Variants in ASB4 observed in about 807,000 individuals in gnomAD.
ASB4 encodes the protein ankyrin repeat and SOCS box protein 4.
A neutral mutation model predicts 38.6 loss-of-function variants in ASB4; 35 were observed. The observed-to-expected ratio is 0.91, with a 90% CI of 0.69 to 1.20. The LOEUF is 1.20. Ranked by LOEUF, ASB4 falls within the 50% of genes most tolerant of loss-of-function variation. ASB4 has a pLI of 0.00. For synonymous variants in ASB4, 195 were observed against 201.3 expected (o/e 0.97, Z 0.26); for missense variants, 557 against 527.2 (o/e 1.06, Z -0.55).
At chr7:95,492,297 G>A (rs1409249818) in intron 1 of ASB4, among the ~76,000 whole-genome samples, 1 of 152,166 alleles carries the variant, frequency 6.6e-6, no homozygotes, top group Non-Finnish European at 1.5e-5. Context: ...CTGGAAGTTA[G>A]GAGGAGGAAA....
At chr7:95,549,300 C>CTTTTTTTTTTTTT in the ASB4 span, among the ~76,000 whole-genome samples, 14 of 83,072 alleles carry the variant, frequency 1.7e-4, no homozygotes, top group East Asian at 7.7e-4. Context: ...TAGGAGACTC[C>CTTTTTTTTTTTTT]ATTTTTTTTT....
intron 3 of ASB4, among the ~76,000 whole-genome samples, chr7:95,533,398 G>A (rs987553524): frequency 2.6e-5 from 4 of 152,134 alleles, no homozygotes; most frequent in African/African-American, 9.7e-5. Flanking sequence ...GACACCAAGG[G>A]TCTTAAAGAT....
At chr7:95,523,043 A>C (rs1292984343) in intron 2 of ASB4, among the ~76,000 whole-genome samples, 1 of 152,238 alleles carries the variant, frequency 6.6e-6, no homozygotes. Context: ...AACTTTTTAG[A>C]GAAACAGACT....
In ASB4 at chr7:95,515,219, T is replaced by TTCTTTCTTTC. The variant is rs1554349230; in HGVS notation, c.488-12592_488-12583dup. 1.1e-3 allele frequency among the ~76,000 whole-genome samples: 148 copies of TTCTTTCTTTC among 130,934 alleles called. 1 individual carries two copies. Among genetic ancestry groups the TTCTTTCTTTC allele is most frequent in the African/African-American group, 4.5e-3 (139 of 30,982 alleles). The allele number at this position is 130,934 out of a possible 152,430, so 85.9% of individuals were successfully genotyped here. On this transcript the variant is annotated intron_variant, in intron 2 of 4. Coordinates refer to ENST00000325885, the MANE Select transcript of ASB4 (RefSeq NM_016116.3). Reference sequence around the variant, plus strand: ...TTTCTTTCTTTCTTTCTTTCTTTCTTTCTTTCTTTCTTTTTCTTTCTTTCT... The same window carrying TTCTTTCTTTC: ...TTTCTTTCTTTCTTTCTTTCTTTCTTTCTTTCTTTCTCTTTCTTTCTTTTTCTTTCTTTCT...
chr7:95,516,935 G>C (rs1048203739), intron 2 of ASB4, among the ~76,000 whole-genome samples: 5 of 152,116 alleles, frequency 3.3e-5, no homozygotes, highest in Non-Finnish European at 7.3e-5. Context: ...GGTATCTCTA[G>C]CTTGAGCCTC....
Position 95,495,910 on chromosome 7 carries a change from G to A in ASB4, c.340G>A (p.Ala114Thr). The A allele has an allele frequency of 6.2e-7, 1 of 1,614,072 alleles. No homozygotes were observed. Among genetic ancestry groups the A allele is most frequent in the Non-Finnish European group, 8.5e-7 (1 of 1,180,016 alleles). The change falls in exon 2 of 5, where the codon GCT (alanine) becomes ACT (threonine). Residue 114 changes from alanine to threonine, a missense_variant. Physicochemically the swap from Ala to Thr is moderately conservative, Grantham distance 58 (BLOSUM62 0). Transcript: ENST00000325885. Reference protein sequence around the residue: ...RPNGKTPLHVACEMANVDCVK... With the variant: ...RPNGKTPLHVTCEMANVDCVK... The stretch of plus-strand genomic sequence containing the variant: ...CAATGGGAAAACCCCTCTTCACGTG[G>A]CTTGTGAAATGGCCAATGTGGATTG...
chr7:95,545,856 C>T, the ASB4 span, among the ~76,000 whole-genome samples: 1 of 152,196 alleles, frequency 6.6e-6, no homozygotes, highest in Non-Finnish European at 1.5e-5. Context: ...CCAGGCAATG[C>T]CAGAGAAGCC....
chr7:95,521,204 A>C (rs1432136088), intron 2 of ASB4, among the ~76,000 whole-genome samples: 2 of 152,156 alleles, frequency 1.3e-5, no homozygotes, highest in African/African-American at 4.8e-5. Context: ...TTTTCAATAC[A>C]TAAAGAAATG....
chr7:95,515,283 T>TTC (rs1202377660), intron 2 of ASB4, among the ~76,000 whole-genome samples: 11 of 113,522 alleles, frequency 9.7e-5, no homozygotes, highest in African/African-American at 3.7e-4. Flanking sequence ...CTTTCTTTCT[T>TTC]TCTTTCTTTC....
chr7:95,530,964 G>C (rs1409606268), intron 3 of ASB4, among the ~76,000 whole-genome samples: 1 of 152,138 alleles, frequency 6.6e-6, no homozygotes, highest in Non-Finnish European at 1.5e-5. Flanking sequence ...TTACTTAAGA[G>C]TGTGATTAAA....
chr7:95,548,178 T>C, the ASB4 span, among the ~76,000 whole-genome samples: 1 of 152,256 alleles, frequency 6.6e-6, no homozygotes, highest in Admixed American at 6.5e-5. Flanking sequence ...TTTGCATTTC[T>C]ACCAGCAATA....
At chr7:95,524,224 C>T (rs566165431) in intron 2 of ASB4, among the ~76,000 whole-genome samples, 14 of 152,184 alleles carry the variant, frequency 9.2e-5, no homozygotes, top group Non-Finnish European at 2.1e-4. Context: ...TAGCCTGACA[C>T]GGGCAATGCC....
In ASB4 at chr7:95,520,522, T is replaced by C. The variant is rs1332969299; in HGVS notation, c.488-7291T>C. On this transcript the variant is annotated intron_variant, in intron 2 of 4. Transcript: ENST00000325885. ...GTATTCTGGAACCATAGTGACTGAA[T>C]ACAGAGTATTGCCCATTCTTTTCCA... Among the ~76,000 whole-genome samples, 4 of 152,210 alleles carry C rather than the reference T, an allele frequency of 2.6e-5. No individual in the cohort carries two copies. The East Asian group carries it at 7.7e-4, about 29-fold the overall frequency.
intron 3 of ASB4, among the ~76,000 whole-genome samples, chr7:95,531,032 G>A (rs191181783): frequency 6.6e-6 from 1 of 152,292 alleles, no homozygotes. Context: ...AGTATACCCT[G>A]AATTTATGCC....
At position 95,524,967 on chromosome 7, in the gene ASB4, C is replaced by T. The variant is rs1351202183; in HGVS notation, c.488-2846C>T. 2.0e-5 allele frequency among the ~76,000 whole-genome samples: 3 copies of T among 152,150 alleles called. No homozygotes were observed. In the East Asian group the frequency reaches 5.8e-4, roughly 29 times the overall value. On this transcript the variant is annotated intron_variant, in intron 2 of 4. Transcript: ENST00000325885. ...CTCTTACTTTGCTGAGAGTCTTTTT[C>T]CTTTTTGCCAAATAAATTCTGTAAC...
chr7:95,515,313 CTTT>C (rs1425971145), intron 2 of ASB4, among the ~76,000 whole-genome samples: 5,020 of 109,962 alleles, frequency 0.046, 236 homozygotes, highest in Admixed American at 0.071. Flanking sequence ...TTCTTTCTTT[CTTT>C]CTTCCTTCCT....
chr7:95,536,548 G>A lies in ASB4; in HGVS notation c.1090G>A (p.Glu364Lys). Residue 364 changes from glutamate (E) to lysine (K), a missense_variant and splice_region_variant, in exon 4 of 5, where the codon GAG becomes AAG. Glu to Lys is a moderately conservative substitution (Grantham distance 56, BLOSUM62 1). Coordinates refer to ENST00000325885, the MANE Select transcript of ASB4 (RefSeq NM_016116.3). ...AAGAGCTATCCCCGATGATGACTTG[G>A]AGGTAAATAATCGATTCCCTTCTAA... The part of the protein sequence containing the change: ...WRRAIPDDDL[E>K]KYWDFYHSLF... The A allele has an allele frequency of 6.3e-7, 1 of 1,595,436 alleles. No individual in the cohort carries two copies. The highest frequency in any genetic ancestry group is 2.2e-5 in the East Asian group (1 of 44,770).
At chr7:95,479,677 C>A (rs767659880) in intron 1 of ASB4, among the ~76,000 whole-genome samples, 5 of 152,110 alleles carry the variant, frequency 3.3e-5, no homozygotes, top group Non-Finnish European at 7.4e-5. Flanking sequence ...AAACTATCAT[C>A]AATTATAAGC....
rs530890486 is a variant in ASB4, at chr7:95,487,435, A to G, written c.187+1277A>G. On this transcript the variant is annotated intron_variant, in intron 1 of 4. Transcript: ENST00000325885. ...TTTTTAAGATGTTTTTAAAAAGCTT[A>G]TATTTGTGCCTAGGGTGAAATAACT... 3.3e-5 allele frequency among the ~76,000 whole-genome samples: 5 copies of G among 152,326 alleles called. No individual in the cohort carries two copies. The South Asian group carries it at 1.0e-3, about 32-fold the overall frequency.
Sources: gnomAD v4.1 joint callset for allele counts (sites outside exome capture counted in the v4.1 genomes callset) on GRCh38, gnomAD v4.1.1 for gene constraint, MANE v1.5 for transcripts, NCBI Gene and HGNC (gene_info 2026-07-23, HGNC 2026-07-21) for gene names.